TRMT10B: variants seen among roughly 807,000 people sequenced by gnomAD.
The protein encoded by TRMT10B is tRNA methyltransferase 10B, also known as tRNA methyltransferase 10 homolog B.
A neutral mutation model predicts 43.8 loss-of-function variants in TRMT10B; 33 were observed. That is an observed-to-expected ratio of 0.75 (90% CI 0.57 to 1.01). The LOEUF is 1.01. Ranked by LOEUF, TRMT10B falls within the 50% of genes least tolerant of loss-of-function variation. TRMT10B has a pLI of 0.00. For synonymous variants in TRMT10B, 137 were observed against 130.6 expected, an observed-to-expected ratio of 1.05 and a Z score of -0.34; for missense variants, 362 against 369.8, an observed-to-expected ratio of 0.98 and a Z score of 0.17.
At chr9:37,758,339 G>C (rs995703952) in intron 1 of TRMT10B, among the ~76,000 whole-genome samples, 1 of 152,212 alleles carries the variant, frequency 6.6e-6, no homozygotes, top group African/African-American at 2.4e-5. Context: ...CCGAGCATGG[G>C]AGGTCAAGGC....
At chr9:37,763,157 AAAAAAAAAC>A (rs1826582161) in intron 3 of TRMT10B, among the ~76,000 whole-genome samples, 13 of 143,178 alleles carry the variant, frequency 9.1e-5, no homozygotes, top group Admixed American at 6.2e-4. Flanking sequence ...AAAAAAAAAA[AAAAAAAAAC>A]AAAAAAAAAA....
intron 4 of TRMT10B, among the ~76,000 whole-genome samples, chr9:37,764,792 C>T (rs962394765): frequency 6.6e-6 from 1 of 152,102 alleles, no homozygotes; most frequent in Non-Finnish European, 1.5e-5. Flanking sequence ...CACTAGAGTT[C>T]TGGGAATGGC....
intron 1 of TRMT10B, among the ~76,000 whole-genome samples, chr9:37,754,828 T>C (rs1825439235): frequency 6.6e-6 from 1 of 152,132 alleles, no homozygotes; most frequent in Non-Finnish European, 1.5e-5. Context: ...GAAAAATAAA[T>C]GAAATCTCAC....
intron 5 of TRMT10B, 36 bp from the exon 6 acceptor site, chr9:37,769,905 G>C: frequency 6.4e-7 from 1 of 1,570,268 alleles, no homozygotes; most frequent in Non-Finnish European, 8.8e-7. Flanking sequence ...ACCCAGCCGT[G>C]AGCTGTTTTA....
At position 37,772,935 on chromosome 9, in the gene TRMT10B, A is replaced by C. The variant is rs143387676; in HGVS notation, c.720+2196A>C. On this transcript the variant is annotated intron_variant, in intron 7 of 8. Transcript: ENST00000297994. ...AAGCTTTATAAAAAACAGTTTGGGG[A>C]AAGTTTAGGAAATTTTAATGTAGAT... Among the ~76,000 whole-genome samples, 639 of 152,342 alleles carry C rather than the reference A, an allele frequency of 4.2e-3. 25 individuals carry two copies. Among genetic ancestry groups the C allele is most frequent in the Admixed American group, 0.038 (577 of 15,308 alleles).
chr9:37,753,849 T>G lies in TRMT10B; in HGVS notation c.-33T>G, dbSNP rs7848132. 0.15 allele frequency: 22,387 copies of G among 152,024 alleles called. 1,725 individuals are homozygous for G. Among genetic ancestry groups the G allele is most frequent in the Non-Finnish European group, 0.16 (10,981 of 67,992 alleles). 9.4% of individuals were successfully genotyped at this position (152,024 alleles called of 1,614,324 possible). A position where few individuals can be genotyped will look rare whatever the true frequency, so the allele number is the denominator to read the frequency against. Reference sequence around the variant, plus strand: ...CTGCCGCTGCGTGGGGGTGAGGGGATCAGGTACGCTGTCCGCTGGTTAAGG... The same window carrying G: ...CTGCCGCTGCGTGGGGGTGAGGGGAGCAGGTACGCTGTCCGCTGGTTAAGG... On this transcript the variant is annotated 5_prime_UTR_variant, in exon 1 of 9. Coordinates refer to ENST00000297994, the MANE Select transcript of TRMT10B (RefSeq NM_144964.4).
chr9:37,753,069 C>G (rs184408099), upstream of TRMT10B, among the ~76,000 whole-genome samples: 18 of 152,218 alleles, frequency 1.2e-4, no homozygotes, highest in South Asian at 8.3e-4. Context: ...ACGAACCCAC[C>G]GAGAGCGAAG....
At chr9:37,763,523 T>C (rs1826639419) in intron 3 of TRMT10B, 106 bp from the exon 4 acceptor site, 1 of 915,214 alleles carries the variant, frequency 1.1e-6, no homozygotes, top group Non-Finnish European at 1.7e-6. Context: ...TACATCAGTA[T>C]CAAGTTTCTC....
Position 37,763,693 on chromosome 9 carries a change from C to A in TRMT10B, c.360C>A (p.Ala120=), listed in dbSNP as rs140247488. The part of the protein sequence containing the change: ...RALTKDKLLE[A]KHSGPRLCID... ...TAACCAAAGACAAACTTTTGGAAGC[C>A]AAACACTCAGGACCAAGACTATGTA... is the stretch of plus-strand genomic sequence containing the variant. The change falls in exon 4 of 9, where the codon GCC becomes GCA. Residue 120 remains alanine, a synonymous_variant. Coordinates refer to ENST00000297994, the MANE Select transcript of TRMT10B (RefSeq NM_144964.4). The A allele has an allele frequency of 1.1e-4, 173 of 1,614,132 alleles. 1 individual carries two copies. In the African/African-American group the frequency reaches 1.6e-3, roughly 15 times the overall value.
chr9:37,777,721 G>A lies in TRMT10B; in HGVS notation c.*14G>A. 6.2e-7 allele frequency: 1 copy of A among 1,605,300 alleles called. No homozygotes were observed. ...TCAGTGGAATGATGGGCCTAAGATT[G>A]CAGCTGCGTGGCCAGGTGCTCACGC... On this transcript the variant is annotated 3_prime_UTR_variant, in exon 9 of 9. Coordinates refer to ENST00000297994, the MANE Select transcript of TRMT10B (RefSeq NM_144964.4).
chr9:37,768,273 T>TA (rs1210355719), intron 5 of TRMT10B, 45 bp downstream of exon 5: 1 of 1,556,484 alleles, frequency 6.4e-7, no homozygotes, highest in Admixed American at 1.9e-5. Flanking sequence ...TCTGAAAAGT[T>TA]ATTGTGGTTA....
chr9:37,756,422 AAT>A (rs984140245), intron 1 of TRMT10B, among the ~76,000 whole-genome samples: 2 of 151,480 alleles, frequency 1.3e-5, no homozygotes, highest in African/African-American at 4.9e-5. Flanking sequence ...AAAAAAAAAA[AAT>A]GGCTGGGTGC....
intron 4 of TRMT10B, among the ~76,000 whole-genome samples, chr9:37,766,190 T>C (rs1826969941): frequency 6.6e-6 from 1 of 152,144 alleles, no homozygotes; most frequent in East Asian, 1.9e-4. Flanking sequence ...TAGGTTTTCT[T>C]CTAGGGTTTT....
At chr9:37,765,580 A>C (rs1826900479) in intron 4 of TRMT10B, among the ~76,000 whole-genome samples, 1 of 152,200 alleles carries the variant, frequency 6.6e-6, no homozygotes, top group Admixed American at 6.5e-5. Flanking sequence ...AGCATGATTT[A>C]TAATCCTTTG....
chr9:37,770,992 C>T (rs1313498981), intron 7 of TRMT10B, among the ~76,000 whole-genome samples: 2 of 152,204 alleles, frequency 1.3e-5, no homozygotes, highest in South Asian at 2.1e-4. Flanking sequence ...GAGTTTCTCT[C>T]TTCAGTTCTG....
At chr9:37,775,024 T>C (rs1167296654) in intron 7 of TRMT10B, among the ~76,000 whole-genome samples, 1 of 152,266 alleles carries the variant, frequency 6.6e-6, no homozygotes, top group Non-Finnish European at 1.5e-5. Flanking sequence ...AGGGCCATCT[T>C]ACTTGCATGG....
At position 37,778,303 on chromosome 9, in the gene TRMT10B, T is replaced by TC. The variant is rs1828397843; in HGVS notation, c.*597dup. 1 of 152,530 alleles carries TC rather than the reference T, an allele frequency of 6.6e-6. No individual in the cohort carries two copies. The highest frequency in any genetic ancestry group is 2.4e-5 in the African/African-American group (1 of 41,544). 9.4% of individuals were successfully genotyped at this position (152,530 alleles called of 1,614,324 possible). ...AGGCTGAGGTGAGTGGATTACAAGG[T>TC]CAGGAGTTCCAGACCAGCCTGGCTA... is the stretch of plus-strand genomic sequence containing the variant. On this transcript the variant is annotated 3_prime_UTR_variant, in exon 9 of 9. Transcript: ENST00000297994.
intron 7 of TRMT10B, among the ~76,000 whole-genome samples, chr9:37,773,271 CTAATTT>C (rs1349478136): frequency 1.5e-5 from 2 of 131,596 alleles, no homozygotes; most frequent in Non-Finnish European, 3.4e-5. Flanking sequence ...CCATGGCCAG[CTAATTT>C]TTTTTTTTTT....
Position 37,762,575 on chromosome 9 carries a change from A to C in TRMT10B, c.187-2A>C. Reference sequence around the variant, plus strand: ...ACAATTTTGTTTTCTGGATAATATAAGAAAAATGTCCAGAGAAAACAGAGA... The same window carrying C: ...ACAATTTTGTTTTCTGGATAATATACGAAAAATGTCCAGAGAAAACAGAGA... On this transcript the variant is annotated splice_acceptor_variant, in intron 2 of 8. Coordinates refer to ENST00000297994, the MANE Select transcript of TRMT10B (RefSeq NM_144964.4). LOFTEE classifies it high-confidence loss of function. The C allele has an allele frequency of 8.9e-6, 14 of 1,581,362 alleles. No homozygotes were observed. The highest frequency in any genetic ancestry group is 1.2e-5 in the Non-Finnish European group (14 of 1,163,444).
Sources: gnomAD v4.1 joint callset for allele counts (sites outside exome capture counted in the v4.1 genomes callset) on GRCh38, gnomAD v4.1.1 for gene constraint, MANE v1.5 for transcripts, NCBI Gene and HGNC (gene_info 2026-07-23, HGNC 2026-07-21) for gene names.